NUP88: variants seen among roughly 807,000 people sequenced by gnomAD.
NUP88 encodes the protein nucleoporin 88, also known as nuclear pore complex protein Nup88.
A neutral mutation model predicts 93.9 loss-of-function variants in NUP88; 57 were observed. That is an observed-to-expected ratio of 0.61 (90% CI 0.49 to 0.76). NUP88 has a LOEUF of 0.76. Among genes scored for constraint, NUP88 ranks in the 30% least tolerant of loss-of-function variants. NUP88 has a pLI of 0.00. For missense variants in NUP88, 911 were observed against 901.0 expected, an observed-to-expected ratio of 1.01 and a Z score of -0.14; for synonymous variants, 346 against 336.8, an observed-to-expected ratio of 1.03 and a Z score of -0.30.
At chr17:5,412,074 A>G (rs1242098947) in intron 3 of NUP88, among the ~76,000 whole-genome samples, 1 of 152,224 alleles carries the variant, frequency 6.6e-6, no homozygotes, top group Non-Finnish European at 1.5e-5. Context: ...AGCTTAGGAA[A>G]ACAGAAGTGT....
chr17:5,404,214 G>A lies in NUP88; in HGVS notation c.1077C>T (p.Leu359=), dbSNP rs1440547103. 3 of 1,614,026 alleles carry A rather than the reference G, an allele frequency of 1.9e-6. No individual in the cohort carries two copies. The highest frequency in any genetic ancestry group is 3.3e-5 in the Admixed American group (2 of 59,996). ...SEKSWDSRID[L]IPSLYVFECV... ...ATTCAAACACATACAGAGAAGGAAT[G>A]AGGTCAATCCTGGAATCCCAGGACT... Residue 359 remains leucine (L), a synonymous_variant, in exon 7 of 17, where the codon CTC becomes CTT. Transcript: ENST00000573584.
Position 5,414,059 on chromosome 17 carries a change from A to C in NUP88, c.543T>G (p.Ser181Arg), listed in dbSNP as rs1455838522. The C allele has an allele frequency of 6.2e-7, 1 of 1,613,476 alleles. No homozygotes were observed. The highest frequency in any genetic ancestry group is 8.5e-7 in the Non-Finnish European group (1 of 1,179,494). ...GCACTACGTGGGGATCCAGGATTTC[A>C]CTTGGATACCATGCAGCATGCTTTA... is the stretch of plus-strand genomic sequence containing the variant. ...LTLKHAAWYP[S>R]EILDPHVVLL... The change falls in exon 3 of 17, where the codon AGT (serine) becomes AGG (arginine). Residue 181 changes from serine to arginine, a missense_variant. Transcript: ENST00000573584.
At chr17:5,409,856 C>A (rs185855047) in intron 4 of NUP88, among the ~76,000 whole-genome samples, 1 of 152,290 alleles carries the variant, frequency 6.6e-6, no homozygotes, top group Admixed American at 6.5e-5. Context: ...GAGAGCAAGT[C>A]TGTGGTTAAC....
chr17:5,419,220 C>T (rs1021399057), intron 1 of NUP88, 134 bp downstream of exon 1: 3 of 1,032,644 alleles, frequency 2.9e-6, no homozygotes, highest in African/African-American at 1.6e-5. Flanking sequence ...GTCCCCGCGA[C>T]CGCGTATGGC....
At position 5,414,032 on chromosome 17, in the gene NUP88, C is replaced by A; in HGVS notation, c.570G>T (p.Leu190=). 1 of 1,613,840 alleles carries A rather than the reference C, an allele frequency of 6.2e-7. No homozygotes were observed. The highest frequency in any genetic ancestry group is 8.5e-7 in the Non-Finnish European group (1 of 1,179,780). Residue 190 remains leucine, a synonymous_variant, in exon 3 of 17, where the codon CTG becomes CTT. Transcript: ENST00000573584. ...PSEILDPHVV[L]LTSDNVIRIY... ...ACCTGATTACGTTGTCTGATGTTAACAGCACTACGTGGGGATCCAGGATTT... is the reference window on the plus strand; with the variant it reads ...ACCTGATTACGTTGTCTGATGTTAAAAGCACTACGTGGGGATCCAGGATTT...
At chr17:5,407,112 C>A (rs1309362544) in intron 5 of NUP88, among the ~76,000 whole-genome samples, 3 of 152,164 alleles carry the variant, frequency 2.0e-5, no homozygotes, top group African/African-American at 7.2e-5. Context: ...GAGAACATTT[C>A]TGCCAAGGAG....
Position 5,419,590 on chromosome 17 carries a change from G to C in NUP88, c.61C>G (p.His21Asp), listed in dbSNP as rs1567581807. Residue 21 changes from histidine (H) to aspartate (D), a missense_variant, in exon 1 of 17, where the codon CAC (histidine) becomes GAC (aspartate). Transcript: ENST00000573584. ...TCCCGGAGCCGCAAGAACACGACGT[G>C]GTTAGGAAGCCAGGTCTGCCACAGC... Reference protein sequence around the residue: ...GELWQTWLPNHVVFLRLREGL... With the variant: ...GELWQTWLPNDVVFLRLREGL... 1.2e-6 allele frequency: 2 copies of C among 1,606,540 alleles called. No individual in the cohort carries two copies. The highest frequency in any genetic ancestry group is 1.1e-5 in the South Asian group (1 of 91,020).
In NUP88 at chr17:5,414,245, G is replaced by A; in HGVS notation, c.468-111C>T. 3 of 877,352 alleles carry A rather than the reference G, an allele frequency of 3.4e-6. No homozygotes were observed. The South Asian group carries it at 4.7e-5, about 14-fold the overall frequency. 54.3% of individuals were successfully genotyped at this position (877,352 alleles called of 1,614,324 possible). A position where few individuals can be genotyped will look rare whatever the true frequency, so the allele number is the denominator to read the frequency against. On this transcript the variant is annotated intron_variant, in intron 2 of 16. Coordinates refer to ENST00000573584, the MANE Select transcript of NUP88 (RefSeq NM_002532.6). ...AGTTTCTCTCTTGTTGCCCAGGCTGGAGTGTAACGGCACAATCTCGGCTCA... is the reference window on the plus strand; with the variant it reads ...AGTTTCTCTCTTGTTGCCCAGGCTGAAGTGTAACGGCACAATCTCGGCTCA...
intron 5 of NUP88, among the ~76,000 whole-genome samples, chr17:5,405,781 A>C (rs373728901): frequency 1.7e-4 from 26 of 152,176 alleles, no homozygotes; most frequent in African/African-American, 6.0e-4. Flanking sequence ...CAGCTGTAAC[A>C]ATTCTTTCTT....
At chr17:5,413,933 T>C in intron 3 of NUP88, 76 bp downstream of exon 3, 4 of 1,500,736 alleles carry the variant, frequency 2.7e-6, no homozygotes, top group Non-Finnish European at 3.7e-6. Flanking sequence ...CTTCGTTCTA[T>C]GTTGAGCTGT....
chr17:5,392,938 T>C (rs890692551), intron 9 of NUP88, among the ~76,000 whole-genome samples: 5 of 151,694 alleles, frequency 3.3e-5, no homozygotes, highest in Non-Finnish European at 5.9e-5. Flanking sequence ...CACAGGTACA[T>C]GCTACCACAG....
chr17:5,389,163 A>G (rs1912249634), intron 10 of NUP88, among the ~76,000 whole-genome samples: 1 of 152,194 alleles, frequency 6.6e-6, no homozygotes, highest in African/African-American at 2.4e-5. Context: ...TGATTTGTGA[A>G]AGCATTTCTG....
chr17:5,406,668 A>T (rs936424609), intron 5 of NUP88, among the ~76,000 whole-genome samples: 1 of 152,114 alleles, frequency 6.6e-6, no homozygotes, highest in African/African-American at 2.4e-5. Context: ...AAGGGTGTAT[A>T]ATCAGGGGTG....
chr17:5,404,399 G>A (rs141785733), intron 6 of NUP88, among the ~76,000 whole-genome samples, 153 bp from the exon 7 acceptor site: 3,234 of 152,250 alleles, frequency 0.021, 45 homozygotes, highest in Non-Finnish European at 0.035. Context: ...GATCATCTGA[G>A]GTCAGGAGTT....
chr17:5,416,796 T>C (rs961061373), intron 1 of NUP88, 114 bp from the exon 2 acceptor site: 15 of 854,336 alleles, frequency 1.8e-5, no homozygotes, highest in African/African-American at 3.5e-5. Context: ...AATAAAACTC[T>C]GGATAAGTAC....
At position 5,387,117 on chromosome 17, in the gene NUP88, A is replaced by C. The variant is rs183857922; in HGVS notation, c.1917-7T>G. On this transcript the variant is annotated splice_region_variant and splice_polypyrimidine_tract_variant and intron_variant, in intron 14 of 16. Transcript: ENST00000573584. Reference sequence around the variant, plus strand: ...GTGAAGTAGTTTTTTCATCCTTTAGAAAAGGCAAGCAAACATCTCAATTTA... The same window carrying C: ...GTGAAGTAGTTTTTTCATCCTTTAGCAAAGGCAAGCAAACATCTCAATTTA... 326 of 1,612,672 alleles carry C rather than the reference A, an allele frequency of 2.0e-4. No homozygotes were observed. The highest frequency in any genetic ancestry group is 8.0e-4 in the Admixed American group (48 of 59,648).
At position 5,385,701 on chromosome 17, in the gene NUP88, G is replaced by A. The variant is rs556464341; in HGVS notation, c.*505C>T. 1.9e-4 allele frequency: 43 copies of A among 231,378 alleles called. No individual in the cohort carries two copies. The highest frequency in any genetic ancestry group is 8.8e-4 in the African/African-American group (40 of 45,344). The allele number at this position is 231,378 out of a possible 1,614,324, so 14.3% of individuals were successfully genotyped here. ...AGCCAGCAGTGGCCTTTGCAATTGT[G>A]GATCTTGAGCTCTGCTCTCAGCAGA... On this transcript the variant is annotated 3_prime_UTR_variant, in exon 17 of 17. Coordinates refer to ENST00000573584, the MANE Select transcript of NUP88 (RefSeq NM_002532.6).
At chr17:5,406,692 C>A (rs1323889277) in intron 5 of NUP88, among the ~76,000 whole-genome samples, 1 of 152,006 alleles carries the variant, frequency 6.6e-6, no homozygotes, top group African/African-American at 2.4e-5. Context: ...AATCTTTTGG[C>A]TTCCCTGGGC....
At chr17:5,389,147 T>A (rs1249923370) in intron 10 of NUP88, among the ~76,000 whole-genome samples, 187 bp from the exon 11 acceptor site, 2 of 152,208 alleles carry the variant, frequency 1.3e-5, no homozygotes, top group African/African-American at 4.8e-5. Context: ...ATTATTCCAA[T>A]GCCCCTGATT....
Sources: allele counts gnomAD v4.1 joint callset (sites outside exome capture counted in the v4.1 genomes callset), GRCh38; gene constraint gnomAD v4.1.1; transcripts MANE v1.5; gene names NCBI Gene and HGNC (gene_info 2026-07-23, HGNC 2026-07-21).